The following RABL6 variants were observed in gnomAD, a reference collection of about 807,000 sequenced individuals.
The protein encoded by RABL6 is rab-like protein 6.
In RABL6, 28 loss-of-function variants were observed where a neutral mutation model predicts 72.9. That is an observed-to-expected ratio of 0.38 (90% CI 0.28 to 0.53). The LOEUF is 0.53. Ranked by LOEUF, RABL6 falls within the 20% of genes least tolerant of loss-of-function variation. The pLI is 0.80. For synonymous variants in RABL6, 477 were observed against 421.2 expected (o/e 1.13, Z -1.62); for missense variants, 1,029 against 1,008.4 (o/e 1.02, Z -0.28).
At chr9:136,820,489 A>T (rs1848214197) in intron 1 of RABL6, among the ~76,000 whole-genome samples, 1 of 152,108 alleles carries the variant, frequency 6.6e-6, no homozygotes, top group South Asian at 2.1e-4. Flanking sequence ...CTCCTGCCTC[A>T]GCCTCCTGAG....
At position 136,837,327 on chromosome 9, in the gene RABL6, C is replaced by A. The variant is rs555234199; in HGVS notation, c.810-19C>A. ...AGAGGCAGGGGAGCCAGGCTTCTCA[C>A]CCGCCTTCTGCCTTTCAGCTTCCTG... On this transcript the variant is annotated intron_variant, in intron 8 of 14. Transcript: ENST00000311502. 1 of 1,594,822 alleles carries A rather than the reference C, an allele frequency of 6.3e-7. No individual in the cohort carries two copies.
At position 136,840,604 on chromosome 9, in the gene RABL6, T is replaced by G; in HGVS notation, c.*82T>G. The stretch of plus-strand genomic sequence containing the variant: ...AGGCATTTGCCTCTGTACCATCGCC[T>G]TTGCCGCTGCCCCGTGGCTGCCGTG... On this transcript the variant is annotated 3_prime_UTR_variant, in exon 15 of 15. Transcript: ENST00000311502. 6.5e-7 allele frequency: 1 copy of G among 1,549,564 alleles called. No homozygotes were observed. Among genetic ancestry groups the G allele is most frequent in the African/African-American group, 1.4e-5 (1 of 73,146 alleles).
At chr9:136,812,989 G>A (rs1281005898) in intron 1 of RABL6, 2 of 354,596 alleles carry the variant, frequency 5.6e-6, no homozygotes, top group East Asian at 7.6e-5. Flanking sequence ...ACCATCTTCC[G>A]CGGCCTCCTT....
At position 136,830,723 on chromosome 9, in the gene RABL6, C is replaced by T. The variant is rs559584455; in HGVS notation, c.459-998C>T. ...AGGGAGCTGCAGCCGCCTGGGCTGC[C>T]GTGCGAGGAGTGGGCGGGAGTGACA... On this transcript the variant is annotated intron_variant, in intron 5 of 14. Coordinates refer to ENST00000311502, the MANE Select transcript of RABL6 (RefSeq NM_024718.5). 1.8e-4 allele frequency among the ~76,000 whole-genome samples: 28 copies of T among 152,372 alleles called. 1 individual carries two copies. Among genetic ancestry groups the T allele is most frequent in the Admixed American group, 1.7e-3 (26 of 15,310 alleles).
rs1455230473 is a variant in RABL6, at chr9:136,840,685, A to G, written c.*163A>G. On this transcript the variant is annotated 3_prime_UTR_variant, in exon 15 of 15. Transcript: ENST00000311502. ...TGGTGGTCCCCAGGCTGGGCCCTGC[A>G]GGTGCTGGGCCTTCAGGCCCAGTGT... 6.5e-7 allele frequency: 1 copy of G among 1,549,088 alleles called. No individual in the cohort carries two copies. The highest frequency in any genetic ancestry group is 1.4e-5 in the African/African-American group (1 of 73,102).
chr9:136,815,471 C>T lies in RABL6; in HGVS notation c.130+7145C>T, dbSNP rs772857044. On this transcript the variant is annotated intron_variant, in intron 1 of 14. Transcript: ENST00000311502. ...CCTCATCTTCACTTCCTCCTTCTGC[C>T]TCCTTTGGGGGAGCAGCCATTTTCT... The T allele has an allele frequency of 5.9e-5, 16 of 272,408 alleles. No individual in the cohort carries two copies. The Admixed American group carries it at 8.0e-4, about 14-fold the overall frequency. The allele number at this position is 272,408 out of a possible 1,614,324, so 16.9% of individuals were successfully genotyped here. A position where few individuals can be genotyped will look rare whatever the true frequency, so the allele number is the denominator to read the frequency against.
chr9:136,840,650 G>T lies in RABL6; in HGVS notation c.*128G>T. Reference sequence around the variant, plus strand: ...CCGTGTGCGCTTCTGAGCTGGAAGAGGCCGGGCATTGGTGGTCCCCAGGCT... The same window carrying T: ...CCGTGTGCGCTTCTGAGCTGGAAGATGCCGGGCATTGGTGGTCCCCAGGCT... On this transcript the variant is annotated 3_prime_UTR_variant, in exon 15 of 15. Transcript: ENST00000311502. 1 of 1,549,646 alleles carries T rather than the reference G, an allele frequency of 6.5e-7. No homozygotes were observed. Among genetic ancestry groups the T allele is most frequent in the East Asian group, 2.4e-5 (1 of 40,894 alleles).
At chr9:136,821,058 C>T (rs899845950) in intron 1 of RABL6, among the ~76,000 whole-genome samples, 2 of 152,208 alleles carry the variant, frequency 1.3e-5, no homozygotes, top group African/African-American at 2.4e-5. Flanking sequence ...TGGCCAGATG[C>T]CTGGAATGAG....
chr9:136,826,432 C>T lies in RABL6; in HGVS notation c.313+606C>T, dbSNP rs908672583. On this transcript the variant is annotated intron_variant, in intron 3 of 14. Transcript: ENST00000311502. This position sits in a 1 kb window ranked among gnomAD's most constrained non-coding sequence, Gnocchi z 4.9. ...TGCAGGGCTGGCCACGTGCACGCCC[C>T]GGCCTCACAGGCCTGGCTGTGGCCT... 4.6e-5 allele frequency among the ~76,000 whole-genome samples: 7 copies of T among 152,200 alleles called. No homozygotes were observed. The highest frequency in any genetic ancestry group is 1.2e-4 in the African/African-American group (5 of 41,446).
Position 136,839,849 on chromosome 9 carries a change from G to T in RABL6, c.1914G>T (p.Lys638Asn). The change falls in exon 13 of 15, where the codon AAG becomes AAT. Residue 638 changes from lysine to asparagine, a missense_variant. Around this residue, in one of 2 missense-constraint regions of RABL6, gnomAD observed 595 missense variants for 472.4 expected, o/e 1.26. Transcript: ENST00000311502. ...FGLGLEEAGP[K>N]ESSEEGKEGK... ...TGGGGCTGGAGGAGGCCGGACCCAA[G>T]GAGAGCAGTGAGGAAGGTGGGTGGG... The T allele has an allele frequency of 6.2e-7, 1 of 1,612,316 alleles. No individual in the cohort carries two copies. The highest frequency in any genetic ancestry group is 8.5e-7 in the Non-Finnish European group (1 of 1,179,684).
intron 7 of RABL6, chr9:136,834,037 A>T: frequency 6.8e-7 from 1 of 1,464,804 alleles, no homozygotes. Flanking sequence ...CTGGAAGCGT[A>T]GGGCTGAGCT....
intron 5 of RABL6, among the ~76,000 whole-genome samples, chr9:136,829,731 C>T (rs1312908504): frequency 6.6e-6 from 1 of 152,266 alleles, no homozygotes; most frequent in African/African-American, 2.4e-5. Flanking sequence ...TGGGGCAAGG[C>T]ACGCACCTTC....
At chr9:136,821,848 G>A (rs1266900379) in intron 1 of RABL6, 10 of 1,213,520 alleles carry the variant, frequency 8.2e-6, no homozygotes, top group East Asian at 1.3e-4. Context: ...GGGCTCGGCC[G>A]GGAGAAGCGC....
intron 6 of RABL6, 64 bp from the exon 7 acceptor site, chr9:136,832,201 G>A: frequency 1.4e-6 from 2 of 1,469,662 alleles, no homozygotes; most frequent in Middle Eastern, 3.5e-4. Context: ...TGTGGGCCCA[G>A]GGGTGATCCT....
intron 1 of RABL6, among the ~76,000 whole-genome samples, chr9:136,822,239 A>G (rs999606632): frequency 6.6e-6 from 1 of 152,128 alleles, no homozygotes; most frequent in Non-Finnish European, 1.5e-5. Flanking sequence ...GACCTGACAC[A>G]GATGGGGGAG....
intron 1 of RABL6, chr9:136,812,847 G>A (rs1848041836): frequency 2.2e-5 from 7 of 318,102 alleles, no homozygotes; most frequent in African/African-American, 8.9e-5. Flanking sequence ...AAGCTGCCTC[G>A]CCCACCAAAG....
At position 136,808,151 on chromosome 9, in the gene RABL6, G is replaced by C; in HGVS notation, c.-46G>C. 4 of 1,467,300 alleles carry C rather than the reference G, an allele frequency of 2.7e-6. No individual in the cohort carries two copies. The highest frequency in any genetic ancestry group is 3.6e-6 in the Non-Finnish European group (4 of 1,104,914). 90.9% of individuals were successfully genotyped at this position (1,467,300 alleles called of 1,614,324 possible). A position where few individuals can be genotyped will look rare whatever the true frequency, so the allele number is the denominator to read the frequency against. ...CCAGTCGCACCCCTTCCCCGCCGCC[G>C]CTGAGCTCGCCGGCCGCGCCCGGGC... On this transcript the variant is annotated 5_prime_UTR_variant, in exon 1 of 15. Transcript: ENST00000311502.
chr9:136,813,915 G>A (rs184617757), intron 1 of RABL6: 162 of 319,060 alleles, frequency 5.1e-4, no homozygotes, highest in African/African-American at 2.9e-3. Flanking sequence ...GCGCCACTGC[G>A]CCCAGCCAAA....
intron 1 of RABL6, chr9:136,812,804 C>T (rs1037140399): frequency 8.1e-6 from 3 of 371,334 alleles, no homozygotes; most frequent in South Asian, 7.1e-5. Flanking sequence ...TGTCTTCTTT[C>T]CTTGTGGCTT....
Sources: allele counts gnomAD v4.1 joint callset (sites outside exome capture counted in the v4.1 genomes callset), GRCh38; gene constraint gnomAD v4.1.1; regional missense constraint gnomAD v4.1.1; non-coding constraint Gnocchi (gnomAD v3.1); transcripts MANE v1.5; gene names NCBI Gene and HGNC (gene_info 2026-07-23, HGNC 2026-07-21).